TMPRSS9: variants seen among roughly 807,000 people sequenced by gnomAD.
The protein encoded by TMPRSS9 is transmembrane protease serine 9.
Under a neutral mutation model 111.4 loss-of-function variants are expected in TMPRSS9, and 113 were observed. The observed-to-expected ratio is 1.01, with a 90% CI of 0.87 to 1.19. TMPRSS9 has a LOEUF of 1.19. TMPRSS9 is among the 50% of genes most tolerant of loss of function. TMPRSS9 has a pLI of 0.00. For missense variants in TMPRSS9, 1,803 were observed against 1,513.1 expected, an observed-to-expected ratio of 1.19 and a Z score of -3.18; for synonymous variants, 805 against 659.1, an observed-to-expected ratio of 1.22 and a Z score of -3.39.
intron 6 of TMPRSS9, among the ~76,000 whole-genome samples, chr19:2,405,028 A>G (rs1166535190): frequency 6.6e-6 from 1 of 152,106 alleles, no homozygotes; most frequent in Non-Finnish European, 1.5e-5. Context: ...AAATTTTGTG[A>G]AGGACATAAA....
Position 2,384,631 on chromosome 19 carries a change from T to C in TMPRSS9, c.-25-5130T>C, listed in dbSNP as rs552404327. The stretch of plus-strand genomic sequence containing the variant: ...GAGATCGAGACCATCCTGGCTAACG[T>C]GGTGAAACCCCGTCTCTACTAAAAA... On this transcript the variant is annotated intron_variant, in intron 1 of 17. Coordinates refer to the TMPRSS9 transcript ENST00000649857. Among the ~76,000 whole-genome samples, 73 of 151,688 alleles carry C rather than the reference T, an allele frequency of 4.8e-4. 1 individual carries two copies. Among genetic ancestry groups the C allele is most frequent in the Admixed American group, 7.9e-4 (12 of 15,194 alleles).
exon 1 of TMPRSS9, chr19:2,389,926 G>A (rs766078685): frequency 1.2e-6 from 2 of 1,606,182 alleles, no homozygotes; most frequent in Non-Finnish European, 8.5e-7. Context: ...GAGTCCTTTT[G>A]GGTAAGTGGC....
chr19:2,376,004 G>A (rs923049788), intron 1 of TMPRSS9, among the ~76,000 whole-genome samples: 4 of 152,166 alleles, frequency 2.6e-5, no homozygotes, highest in East Asian at 1.9e-4. Context: ...GGCTCTCTCC[G>A]AAGTCAGCAT....
chr19:2,424,354 G>A lies in TMPRSS9; in HGVS notation c.2717+97G>A, dbSNP rs934324519. On this transcript the variant is annotated intron_variant, in intron 15 of 17. Coordinates refer to ENST00000648592, the Ensembl canonical transcript of TMPRSS9. ...ACGCACCCTGACCCCCTCCTTTGCC[G>A]GGAGTGCCCTCCCCAACCCCGGCTC... 4.1e-6 allele frequency: 5 copies of A among 1,224,290 alleles called. No homozygotes were observed. The East Asian group carries it at 9.4e-5, about 23-fold the overall frequency. The allele number at this position is 1,224,290 out of a possible 1,614,324, so 75.8% of individuals were successfully genotyped here. A position where few individuals can be genotyped will look rare whatever the true frequency, so the allele number is the denominator to read the frequency against.
chr19:2,406,805 C>CTT (rs112281224), intron 7 of TMPRSS9, among the ~76,000 whole-genome samples: 8 of 139,338 alleles, frequency 5.7e-5, no homozygotes, highest in Non-Finnish European at 9.5e-5. Flanking sequence ...TGATATTATC[C>CTT]TTTTTTTTTT....
intron 9 of TMPRSS9, among the ~76,000 whole-genome samples, chr19:2,412,681 G>A (rs546895277): frequency 4.6e-5 from 7 of 152,104 alleles, no homozygotes; most frequent in African/African-American, 7.2e-5. Flanking sequence ...CCTCTCGTGA[G>A]TCTTCATGGT....
intron 7 of TMPRSS9, among the ~76,000 whole-genome samples, chr19:2,407,823 C>T (rs955942955): frequency 4.7e-4 from 70 of 149,222 alleles, no homozygotes; most frequent in African/African-American, 1.6e-3. Flanking sequence ...CTTGCTCTGT[C>T]GCCCAGGCTG....
intron 1 of TMPRSS9, among the ~76,000 whole-genome samples, chr19:2,392,743 C>G (rs1284121297): frequency 2.6e-5 from 4 of 152,170 alleles, no homozygotes; most frequent in African/African-American, 9.7e-5. Context: ...CACTCTGTGT[C>G]TAGCTCAAGG....
intron 15 of TMPRSS9, among the ~76,000 whole-genome samples, chr19:2,424,534 G>GCCCCCCCCCCCCCCC (rs879741232): frequency 2.2e-5 from 3 of 134,240 alleles, no homozygotes; most frequent in African/African-American, 9.1e-5. Flanking sequence ...GGAAGCTGCG[G>GCCCCCCCCCCCCCCC]CCCCCCCCCT....
intron 13 of TMPRSS9, among the ~76,000 whole-genome samples, chr19:2,420,580 T>C (rs1971440538): frequency 6.6e-6 from 1 of 151,904 alleles, no homozygotes; most frequent in Admixed American, 6.6e-5. Flanking sequence ...AGGTGGTAAA[T>C]AACCTGCAAT....
chr19:2,380,590 G>T (rs1370258727), intron 1 of TMPRSS9, among the ~76,000 whole-genome samples: 1 of 56,412 alleles, frequency 1.8e-5, no homozygotes, highest in Non-Finnish European at 3.2e-5. Flanking sequence ...AACAGAGCAA[G>T]ACTCCACCAA....
chr19:2,383,842 A>G (rs1970417959), intron 1 of TMPRSS9, among the ~76,000 whole-genome samples: 2 of 151,696 alleles, frequency 1.3e-5, no homozygotes, highest in South Asian at 2.1e-4. Context: ...TGTTAATTGT[A>G]TCTAAAAATT....
At chr19:2,395,051 C>T (rs1306624317) in intron 1 of TMPRSS9, among the ~76,000 whole-genome samples, 4 of 152,042 alleles carry the variant, frequency 2.6e-5, no homozygotes, top group African/African-American at 4.8e-5. Flanking sequence ...CAGGCTGAGG[C>T]GGGCAGATCA....
chr19:2,413,833 A>T (rs1318270143), exon 10 of TMPRSS9: 1 of 1,613,708 alleles, frequency 6.2e-7, no homozygotes, highest in South Asian at 1.1e-5. Context: ...AGGCTACGTG[A>T]CTGGATCCTG....
At chr19:2,401,570 A>G (rs146918247) in intron 4 of TMPRSS9, among the ~76,000 whole-genome samples, 1 of 151,292 alleles carries the variant, frequency 6.6e-6, no homozygotes, top group Admixed American at 6.6e-5. Flanking sequence ...TGCTCACTTT[A>G]CTCCATGACC....
At chr19:2,379,615 C>CTCTTTCTTTCTTTCTTTCTTTCTTTCTT (rs34251969) in intron 1 of TMPRSS9, among the ~76,000 whole-genome samples, 31 of 118,612 alleles carry the variant, frequency 2.6e-4, no homozygotes, top group East Asian at 2.1e-3. Context: ...AACTTTCTTT[C>CTCTTTCTTTCTTTCTTTCTTTCTTTCTT]TCTTTCTTTC....
rs143270932 is a variant in TMPRSS9 at position 2,372,379 on chromosome 19, A to T, written c.-26+12019A>T. Among the ~76,000 whole-genome samples, 18 of 152,076 alleles carry T rather than the reference A, an allele frequency of 1.2e-4. 1 individual carries two copies. In the East Asian group the frequency reaches 3.5e-3, roughly 29 times the overall value. On this transcript the variant is annotated intron_variant, in intron 1 of 17. Coordinates refer to the TMPRSS9 transcript ENST00000649857. ...TCCTACGTTGCTTTAAAAAAAAAATAAATGATGCCTCTTCTTGTCAAGGGC... is the reference window on the plus strand; with the variant it reads ...TCCTACGTTGCTTTAAAAAAAAAATTAATGATGCCTCTTCTTGTCAAGGGC...
At chr19:2,409,794 G>C (rs1038214657) in intron 8 of TMPRSS9, among the ~76,000 whole-genome samples, 1 of 152,128 alleles carries the variant, frequency 6.6e-6, no homozygotes, top group Non-Finnish European at 1.5e-5. Flanking sequence ...GGTGCTGGCT[G>C]CCGGGTTGGG....
intron 13 of TMPRSS9, among the ~76,000 whole-genome samples, chr19:2,420,943 A>C (rs1423588585): frequency 1.3e-5 from 2 of 152,132 alleles, no homozygotes; most frequent in African/African-American, 2.4e-5. Context: ...GGTGGCTCAC[A>C]TCTGTAATCC....
Sources: gnomAD v4.1 joint callset for allele counts (sites outside exome capture counted in the v4.1 genomes callset) on GRCh38, gnomAD v4.1.1 for gene constraint, MANE v1.5 for transcripts, NCBI Gene and HGNC (gene_info 2026-07-23, HGNC 2026-07-21) for gene names.